Variants in SMARCAL1 observed in about 807,000 individuals in gnomAD.
SMARCAL1 encodes SNF2 related chromatin remodeling annealing helicase 1.
Under a neutral mutation model 94.5 loss-of-function variants are expected in SMARCAL1, and 58 were observed. The ratio of observed to expected loss-of-function variants is 0.61; its 90% confidence interval spans 0.50 to 0.76. The LOEUF is 0.76. SMARCAL1 is among the 30% of genes least tolerant of loss of function. The probability of loss-of-function intolerance (pLI) is 0.00; values close to 1 mark genes in which losing one functional copy is unlikely to be tolerated. For synonymous variants in SMARCAL1, 422 were observed against 455.1 expected, an observed-to-expected ratio of 0.93 and a Z score of 0.93; for missense variants, 1,051 against 1,177.9, an observed-to-expected ratio of 0.89 and a Z score of 1.58.
intron 14 of SMARCAL1, among the ~76,000 whole-genome samples, chr2:216,474,521 G>A (rs1159117474): frequency 3.3e-5 from 5 of 150,160 alleles, no homozygotes; most frequent in African/African-American, 9.7e-5. Context: ...TTGGGAGGCC[G>A]AGGCAGGCGG....
At chr2:216,480,116 G>A (rs557851891) in intron 17 of SMARCAL1, among the ~76,000 whole-genome samples, 1 of 152,178 alleles carries the variant, frequency 6.6e-6, no homozygotes, top group South Asian at 2.1e-4. Flanking sequence ...ATTCCTCCTT[G>A]CCTTTCTCTT....
chr2:216,477,360 A>G, intron 16 of SMARCAL1, 151 bp downstream of exon 16: 2 of 717,080 alleles, frequency 2.8e-6, no homozygotes, highest in Non-Finnish European at 5.0e-6. Flanking sequence ...TCCTGCTTTC[A>G]TCATGACCAT....
At chr2:216,430,425 A>C (rs1217076004) in intron 7 of SMARCAL1, among the ~76,000 whole-genome samples, 1 of 152,230 alleles carries the variant, frequency 6.6e-6, no homozygotes, top group Non-Finnish European at 1.5e-5. Context: ...AGGCTTAGAA[A>C]GGCAGTCAGT....
chr2:216,434,909 A>G (rs1276265670), intron 8 of SMARCAL1, among the ~76,000 whole-genome samples: 1 of 137,228 alleles, frequency 7.3e-6, no homozygotes, highest in Non-Finnish European at 1.5e-5. Flanking sequence ...CCCAGGCCGG[A>G]GTGCAATGGC....
chr2:216,444,468 T>A (rs921615360), intron 10 of SMARCAL1, among the ~76,000 whole-genome samples: 1 of 152,222 alleles, frequency 6.6e-6, no homozygotes, highest in South Asian at 2.1e-4. Context: ...CTTCAGCTCT[T>A]TTTTCTACAG....
chr2:216,478,392 C>T (rs1351134758), intron 17 of SMARCAL1, 93 bp downstream of exon 17: 4 of 956,834 alleles, frequency 4.2e-6, no homozygotes, highest in Admixed American at 1.7e-5. Flanking sequence ...GGATGTGAAT[C>T]ACTCCTAGGG....
chr2:216,423,665 G>C lies in SMARCAL1; in HGVS notation c.1129G>C (p.Glu377Gln), dbSNP rs2066518. 31,975 of 1,613,744 alleles carry C rather than the reference G, an allele frequency of 0.02. 1,175 individuals carry two copies. Among genetic ancestry groups the C allele is most frequent in the East Asian group, 0.16 (7,225 of 44,878 alleles). Residue 377 changes from glutamate (E) to glutamine (Q), a missense_variant, in exon 6 of 18, where the codon GAA becomes CAA. By Grantham distance (29) the Glu-to-Gln change is conservative. Transcript: ENST00000357276. ...GACCAGGAAGTGGAGCTTTCTCTTG[G>C]AAGAGCACAGTAAACTAAGTGAGAA... ...VKTRKWSFLL[E>Q]EHSKLIAKVR...
rs138943172 is a variant in SMARCAL1, at chr2:216,419,308, T to G, written c.863-991T>G. 1.0e-3 allele frequency among the ~76,000 whole-genome samples: 153 copies of G among 152,380 alleles called. 2 individuals are homozygous for G. Among genetic ancestry groups the G allele is most frequent in the African/African-American group, 3.4e-3 (142 of 41,594 alleles). On this transcript the variant is annotated intron_variant, in intron 4 of 17. Transcript: ENST00000357276. ...AGGTGAACATTTCTTCAAATGTTTCTTAGTCTTTTTCCTCCTGTTTTGAAT... is the reference window on the plus strand; with the variant it reads ...AGGTGAACATTTCTTCAAATGTTTCGTAGTCTTTTTCCTCCTGTTTTGAAT...
intron 4 of SMARCAL1, 36 bp downstream of exon 4, chr2:216,416,343 A>C: frequency 6.4e-7 from 1 of 1,561,636 alleles, no homozygotes; most frequent in Non-Finnish European, 8.8e-7. Context: ...GGAGGGTGGC[A>C]CTGGTGCTGA....
rs1236871359 is a variant in SMARCAL1, at chr2:216,435,372, A to G, written c.1520A>G (p.Asp507Gly). The G allele has an allele frequency of 1.9e-6, 3 of 1,614,110 alleles. No individual in the cohort carries two copies. The South Asian group carries it at 3.3e-5, about 18-fold the overall frequency. Reference protein sequence around the residue: ...FLRWLPSLSPDCINVVVTGKD... With the variant: ...FLRWLPSLSPGCINVVVTGKD... ...CGGTGGCTGCCATCTCTGAGCCCAG[A>G]TTGCATCAACGTCGTGGTGACTGGG... The change falls in exon 9 of 18, where the codon GAT (aspartate) becomes GGT (glycine). Residue 507 changes from aspartate (D) to glycine (G), a missense_variant. By Grantham distance (94) the Asp-to-Gly change is moderately conservative (BLOSUM62 -1). Transcript: ENST00000357276.
At chr2:216,474,994 A>G (rs918264223) in intron 14 of SMARCAL1, among the ~76,000 whole-genome samples, 1 of 152,234 alleles carries the variant, frequency 6.6e-6, no homozygotes, top group Non-Finnish European at 1.5e-5. Context: ...AGAAGTCAGC[A>G]TCCTGGCTGT....
At chr2:216,446,697 G>T (rs1003561291) in intron 10 of SMARCAL1, 2 of 509,112 alleles carry the variant, frequency 3.9e-6, no homozygotes, top group African/African-American at 3.8e-5. Context: ...TTGGCGTCAG[G>T]CATATGCTAC....
At chr2:216,450,221 G>A (rs551778278) in intron 11 of SMARCAL1, among the ~76,000 whole-genome samples, 1 of 152,296 alleles carries the variant, frequency 6.6e-6, no homozygotes, top group African/African-American at 2.4e-5. Flanking sequence ...GCTCCTCAAC[G>A]AGGGAGCCAT....
intron 6 of SMARCAL1, among the ~76,000 whole-genome samples, chr2:216,427,729 A>G (rs960850313): frequency 6.6e-6 from 1 of 152,204 alleles, no homozygotes; most frequent in Non-Finnish European, 1.5e-5. Flanking sequence ...TGAAAATACA[A>G]AGCAATTGGA....
chr2:216,469,884 A>G (rs1045527562), intron 14 of SMARCAL1, among the ~76,000 whole-genome samples: 9 of 152,204 alleles, frequency 5.9e-5, no homozygotes, highest in African/African-American at 2.2e-4. Flanking sequence ...GCCCATTAAC[A>G]CTGGTATTAT....
At chr2:216,422,563 G>A (rs1179233012) in intron 5 of SMARCAL1, among the ~76,000 whole-genome samples, 1 of 152,144 alleles carries the variant, frequency 6.6e-6, no homozygotes, top group Non-Finnish European at 1.5e-5. Flanking sequence ...TTGCTGCTGT[G>A]CCACTGTGAG....
chr2:216,435,279 A>T, intron 8 of SMARCAL1, 59 bp from the exon 9 acceptor site: 1 of 1,584,888 alleles, frequency 6.3e-7, no homozygotes, highest in Non-Finnish European at 8.7e-7. Flanking sequence ...CTGCTGTCAC[A>T]ACCAACAGCT....
intron 6 of SMARCAL1, among the ~76,000 whole-genome samples, chr2:216,426,242 T>A (rs544307298): frequency 6.6e-6 from 1 of 152,130 alleles, no homozygotes; most frequent in Admixed American, 6.5e-5. Flanking sequence ...AACACACACA[T>A]GTTAGCTATA....
intron 12 of SMARCAL1, 182 bp downstream of exon 12, chr2:216,451,246 T>C (rs1694444083): frequency 1.6e-6 from 1 of 640,194 alleles, no homozygotes; most frequent in African/African-American, 1.8e-5. Flanking sequence ...TTTTGAAAAA[T>C]CTCATATTAA....
Sources: allele counts gnomAD v4.1 joint callset (sites outside exome capture counted in the v4.1 genomes callset), GRCh38; gene constraint gnomAD v4.1.1; transcripts MANE v1.5; gene names NCBI Gene and HGNC (gene_info 2026-07-23, HGNC 2026-07-21).